The following PREP variants were observed in gnomAD, a reference collection of about 807,000 sequenced individuals.
PREP encodes prolyl endopeptidase.
Under a neutral mutation model 87.6 loss-of-function variants are expected in PREP, and 29 were observed. The observed-to-expected ratio is 0.33, with a 90% CI of 0.25 to 0.45. The LOEUF (loss-of-function observed/expected upper bound fraction) is 0.45, where lower values mean the gene tolerates loss of function less well. PREP is among the 20% of genes least tolerant of loss of function. PREP has a pLI of 1.00. For synonymous variants in PREP, 337 were observed against 328.6 expected (o/e 1.03, Z -0.28); for missense variants, 695 against 886.5 (o/e 0.78, Z 2.74).
Position 105,282,431 on chromosome 6 carries a change from G to A in PREP, c.1681+20C>T. ...AAGAGGGCTAACTAGTAAGTGCAATGAATAAAATCCAGTACTCACCCACTA... is the reference window on the plus strand; with the variant it reads ...AAGAGGGCTAACTAGTAAGTGCAATAAATAAAATCCAGTACTCACCCACTA... On this transcript the variant is annotated intron_variant, in intron 13 of 14. Coordinates refer to ENST00000652536, the MANE Select transcript of PREP (RefSeq NM_002726.5). 1.9e-6 allele frequency: 3 copies of A among 1,607,950 alleles called. No homozygotes were observed. Among genetic ancestry groups the A allele is most frequent in the Non-Finnish European group, 2.5e-6 (3 of 1,177,636 alleles).
intron 6 of PREP, 93 bp downstream of exon 6, chr6:105,368,810 G>A: frequency 1.4e-6 from 2 of 1,423,738 alleles, no homozygotes; most frequent in South Asian, 1.4e-5. Context: ...TGGGACTTCT[G>A]CCATCCATAA....
At position 105,277,892 on chromosome 6, in the gene PREP, C is replaced by T; in HGVS notation, c.*252G>A. 1 of 536,392 alleles carries T rather than the reference C, an allele frequency of 1.9e-6. No homozygotes were observed. The highest frequency in any genetic ancestry group is 3.2e-5 in the East Asian group (1 of 31,662). 33.2% of individuals were successfully genotyped at this position (536,392 alleles called of 1,614,324 possible). A position where few individuals can be genotyped will look rare whatever the true frequency, so the allele number is the denominator to read the frequency against. On this transcript the variant is annotated 3_prime_UTR_variant, in exon 15 of 15. Coordinates refer to ENST00000652536, the MANE Select transcript of PREP (RefSeq NM_002726.5). ...TTTGTTGCCATTTAGCTATTTATCC[C>T]AACATGCCCTTAAAAAAAACACCAA... is the stretch of plus-strand genomic sequence containing the variant.
In PREP at chr6:105,339,616, T is replaced by A. The variant is rs777949880; in HGVS notation, c.824-6111A>T. ...AGCTAAAGGAGGATATTCGAACCCA[T>A]TGCAAAGAAGCTAAAAACCTTGAAA... On this transcript the variant is annotated intron_variant, in intron 7 of 14. Coordinates refer to ENST00000652536, the MANE Select transcript of PREP (RefSeq NM_002726.5). Among the ~76,000 whole-genome samples the A allele has an allele frequency of 2.6e-5, 4 of 152,138 alleles. No homozygotes were observed. The South Asian group carries it at 6.2e-4, about 24-fold the overall frequency.
Position 105,275,563 on chromosome 6 carries a change from C to G in PREP, c.*2581G>C, listed in dbSNP as rs141290429. ...ACTAAACATATAAGTCCTCTGTGAT[C>G]GAGCAATTCCACTACTGGGTATGAA... On this transcript the variant is annotated 3_prime_UTR_variant, in exon 15 of 15. Transcript: ENST00000652536. Among the ~76,000 whole-genome samples, 1 of 152,164 alleles carries G rather than the reference C, an allele frequency of 6.6e-6. No homozygotes were observed. The highest frequency in any genetic ancestry group is 1.9e-4 in the East Asian group (1 of 5,198).
intron 7 of PREP, among the ~76,000 whole-genome samples, chr6:105,340,605 T>A (rs944813350): frequency 6.6e-6 from 1 of 152,062 alleles, no homozygotes; most frequent in Non-Finnish European, 1.5e-5. Context: ...GCAAATTGGA[T>A]AAAGAGTCAA....
intron 9 of PREP, among the ~76,000 whole-genome samples, chr6:105,326,496 C>A (rs892636262): frequency 1.1e-4 from 16 of 152,312 alleles, no homozygotes; most frequent in African/African-American, 3.4e-4. Flanking sequence ...TGGTGTGCAC[C>A]TGCCAGAGTT....
chr6:105,376,334 C>T, intron 3 of PREP, 79 bp from the exon 4 acceptor site: 1 of 1,508,792 alleles, frequency 6.6e-7, no homozygotes, highest in Non-Finnish European at 9.0e-7. Context: ...CAAGCAAAAA[C>T]CAAAACAAAA....
chr6:105,293,909 G>A (rs1770354246), intron 10 of PREP, among the ~76,000 whole-genome samples: 1 of 152,130 alleles, frequency 6.6e-6, no homozygotes, highest in Non-Finnish European at 1.5e-5. Context: ...CTACTTCTTT[G>A]ATTTAACCAA....
rs1443256327 is a variant in PREP, at chr6:105,274,147, G to C, written c.*3997C>G. Among the ~76,000 whole-genome samples the C allele has an allele frequency of 6.6e-6, 1 of 152,140 alleles. No homozygotes were observed. Among genetic ancestry groups the C allele is most frequent in the Non-Finnish European group, 1.5e-5 (1 of 68,030 alleles). ...ATAAGAAAATACCATAAACTGGTGG[G>C]TTGTCAACAACAGAAATTGCTCTCT... On this transcript the variant is annotated 3_prime_UTR_variant, in exon 15 of 15. Coordinates refer to ENST00000652536, the MANE Select transcript of PREP (RefSeq NM_002726.5).
intron 5 of PREP, among the ~76,000 whole-genome samples, chr6:105,372,800 A>G (rs1772593052): frequency 1.3e-5 from 2 of 152,236 alleles, no homozygotes; most frequent in Non-Finnish European, 2.9e-5. Flanking sequence ...GAGATATAAC[A>G]CATCTATAAG....
chr6:105,366,974 G>T (rs1373622037), intron 6 of PREP, among the ~76,000 whole-genome samples: 1 of 152,108 alleles, frequency 6.6e-6, no homozygotes, highest in African/African-American at 2.4e-5. Context: ...TTGTTCACAG[G>T]GTGGAGTTTC....
At chr6:105,294,408 C>G (rs1770363955) in intron 10 of PREP, among the ~76,000 whole-genome samples, 1 of 152,160 alleles carries the variant, frequency 6.6e-6, no homozygotes, top group Non-Finnish European at 1.5e-5. Flanking sequence ...CATTTTAATA[C>G]AAGTCTCTAT....
chr6:105,347,815 C>T (rs1771837063), intron 7 of PREP, among the ~76,000 whole-genome samples: 1 of 152,022 alleles, frequency 6.6e-6, no homozygotes, highest in African/African-American at 2.4e-5. Context: ...GTGTTCGAAA[C>T]CAGCCTGGGC....
chr6:105,380,867 G>A (rs986885599), intron 2 of PREP, among the ~76,000 whole-genome samples: 1 of 152,156 alleles, frequency 6.6e-6, no homozygotes, highest in Non-Finnish European at 1.5e-5. Context: ...AGGGTCAGAG[G>A]CTGCTCAACA....
intron 9 of PREP, 96 bp from the exon 10 acceptor site, chr6:105,323,864 A>G: frequency 9.8e-7 from 1 of 1,016,354 alleles, no homozygotes; most frequent in Non-Finnish European, 1.5e-6. Flanking sequence ...AGCAATGGCA[A>G]GAGAGGATCA....
intron 7 of PREP, among the ~76,000 whole-genome samples, chr6:105,350,748 A>G (rs1241009545): frequency 6.6e-6 from 1 of 152,212 alleles, no homozygotes; most frequent in Non-Finnish European, 1.5e-5. Context: ...ATTGTTGAGA[A>G]CTTTCAGAAT....
In PREP at chr6:105,278,380, T is replaced by G; in HGVS notation, c.1897A>C (p.Met633Leu). ...PEADDIQYPS[M>L]LLLTADHDDR... ...TCATGGTCAGCAGTGAGGAGCAGCA[T>G]GGACGGGTACTGGATGTCATCTGCT... Residue 633 changes from methionine to leucine, a missense_variant, in exon 15 of 15, where the codon ATG (methionine) becomes CTG (leucine). By Grantham distance (15) the Met-to-Leu change is conservative. Transcript: ENST00000652536. This position sits in a 1 kb window ranked among gnomAD's most constrained non-coding sequence, Gnocchi z 4.2. 1 of 1,614,214 alleles carries G rather than the reference T, an allele frequency of 6.2e-7. No individual in the cohort carries two copies. Among genetic ancestry groups the G allele is most frequent in the Non-Finnish European group, 8.5e-7 (1 of 1,180,018 alleles).
intron 10 of PREP, among the ~76,000 whole-genome samples, chr6:105,306,494 C>T (rs943581913): frequency 5.3e-5 from 8 of 152,172 alleles, no homozygotes; most frequent in African/African-American, 1.9e-4. Flanking sequence ...TCCACTGCTA[C>T]CTGACATTGA....
intron 7 of PREP, among the ~76,000 whole-genome samples, chr6:105,352,326 A>G (rs1482981771): frequency 6.6e-6 from 1 of 152,174 alleles, no homozygotes; most frequent in Non-Finnish European, 1.5e-5. Context: ...GGAAGAGAAC[A>G]ACATTTAAAA....
Sources: gnomAD v4.1 joint callset for allele counts (sites outside exome capture counted in the v4.1 genomes callset) on GRCh38, gnomAD v4.1.1 for gene constraint, Gnocchi (gnomAD v3.1) non-coding constraint, MANE v1.5 for transcripts, NCBI Gene and HGNC (gene_info 2026-07-23, HGNC 2026-07-21) for gene names.